KCNIP4: variants seen among roughly 807,000 people sequenced by gnomAD.
The protein encoded by KCNIP4 is Kv channel-interacting protein 4.
A neutral mutation model predicts 34.0 loss-of-function variants in KCNIP4; 12 were observed. The ratio of observed to expected loss-of-function variants is 0.35; its 90% confidence interval spans 0.23 to 0.57. The LOEUF is 0.57. Among genes scored for constraint, KCNIP4 ranks in the 20% least tolerant of loss-of-function variants. The pLI is 0.83. For missense variants in KCNIP4, 238 were observed against 311.7 expected, an observed-to-expected ratio of 0.76 and a Z score of 1.78; for synonymous variants, 124 against 102.2, an observed-to-expected ratio of 1.21 and a Z score of -1.29.
At chr4:21,548,414 A>G (rs1738307647) in intron 1 of KCNIP4, among the ~76,000 whole-genome samples, 1 of 152,126 alleles carries the variant, frequency 6.6e-6, no homozygotes, top group African/African-American at 2.4e-5. Flanking sequence ...GAACACTTCC[A>G]ATGCACTACT....
At chr4:20,759,095 T>C (rs997523437) in intron 3 of KCNIP4, among the ~76,000 whole-genome samples, 1 of 152,180 alleles carries the variant, frequency 6.6e-6, no homozygotes, top group African/African-American at 2.4e-5. Context: ...GATGTAAATA[T>C]CTTTGCATAT....
intron 1 of KCNIP4, among the ~76,000 whole-genome samples, chr4:21,177,670 A>G (rs1333416913): frequency 6.7e-6 from 1 of 149,818 alleles, no homozygotes; most frequent in African/African-American, 2.5e-5. Context: ...TCTCTACTAA[A>G]AAACAAACAA....
At chr4:21,610,111 G>A (rs1744030694) in intron 1 of KCNIP4, among the ~76,000 whole-genome samples, 1 of 152,212 alleles carries the variant, frequency 6.6e-6, no homozygotes, top group African/African-American at 2.4e-5. Context: ...ACTTTTCAGT[G>A]GCAGGTTATA....
chr4:21,250,158 C>T (rs140683694), intron 1 of KCNIP4, among the ~76,000 whole-genome samples: 1,717 of 146,588 alleles, frequency 0.012, 37 homozygotes, highest in African/African-American at 0.035. Context: ...CTCTGCAAAA[C>T]CACAGGTGGA....
chr4:20,768,879 C>T (rs1394792672), intron 3 of KCNIP4, among the ~76,000 whole-genome samples: 1 of 152,046 alleles, frequency 6.6e-6, no homozygotes, highest in Non-Finnish European at 1.5e-5. Context: ...TAGATACTAT[C>T]CTTGGAAAAG....
intron 1 of KCNIP4, among the ~76,000 whole-genome samples, chr4:20,918,616 G>C (rs908352700): frequency 6.6e-6 from 1 of 152,136 alleles, no homozygotes; most frequent in Non-Finnish European, 1.5e-5. Flanking sequence ...CTAGGAACTG[G>C]AATTCGGCAG....
At chr4:21,870,005 G>A (rs993323105) in intron 1 of KCNIP4, among the ~76,000 whole-genome samples, 1 of 152,110 alleles carries the variant, frequency 6.6e-6, no homozygotes, top group Non-Finnish European at 1.5e-5. Context: ...AAATCTGGCT[G>A]GATCACATCC....
chr4:21,155,283 A>G (rs774653868), intron 1 of KCNIP4, among the ~76,000 whole-genome samples: 3 of 152,198 alleles, frequency 2.0e-5, no homozygotes, highest in Non-Finnish European at 4.4e-5. Flanking sequence ...AGATAAATGA[A>G]TCCTAACTGA....
chr4:21,606,250 G>A (rs1399802241), intron 1 of KCNIP4, among the ~76,000 whole-genome samples: 1 of 152,122 alleles, frequency 6.6e-6, no homozygotes, highest in East Asian at 1.9e-4. Flanking sequence ...GTGGTGGCTG[G>A]TAGGATAATA....
intron 3 of KCNIP4, among the ~76,000 whole-genome samples, chr4:20,821,050 C>T (rs1717044952): frequency 6.6e-6 from 1 of 152,148 alleles, no homozygotes; most frequent in East Asian, 1.9e-4. Flanking sequence ...GGCCACCTCA[C>T]AGAGCCTCTA....
At chr4:21,868,405 A>T (rs1725559986) in intron 1 of KCNIP4, among the ~76,000 whole-genome samples, 1 of 152,182 alleles carries the variant, frequency 6.6e-6, no homozygotes, top group Admixed American at 6.5e-5. Flanking sequence ...TTTAAAAAAG[A>T]GGTTGTATAG....
rs75141702 is a variant in KCNIP4, at chr4:21,173,259, G to T, written c.62-290550C>A. 2.0e-5 allele frequency among the ~76,000 whole-genome samples: 3 copies of T among 152,006 alleles called. No individual in the cohort carries two copies. In the East Asian group the frequency reaches 5.8e-4, roughly 29 times the overall value. ...ACAGGAAAGATATTAAAAAGTGCTA[G>T]GTTTGGGGGAAAAAAAACCACTTTG... On this transcript the variant is annotated intron_variant, in intron 1 of 8. Transcript: ENST00000382152.
intron 1 of KCNIP4, among the ~76,000 whole-genome samples, chr4:21,538,459 G>A (rs1737407310): frequency 6.6e-6 from 1 of 151,776 alleles, no homozygotes; most frequent in Non-Finnish European, 1.5e-5. Context: ...AGAGGAGGAA[G>A]GTAAAAGAGT....
chr4:21,941,065 A>G (rs557505569), intron 1 of KCNIP4, among the ~76,000 whole-genome samples: 30 of 152,290 alleles, frequency 2.0e-4, no homozygotes, highest in African/African-American at 7.0e-4. Context: ...ATCATAATGA[A>G]TATTCATTAA....
chr4:21,194,610 A>C (rs1254438209), intron 1 of KCNIP4, among the ~76,000 whole-genome samples: 2 of 152,184 alleles, frequency 1.3e-5, no homozygotes, highest in Non-Finnish European at 2.9e-5. Context: ...GAGACAGGGT[A>C]ATCGGAATAT....
intron 1 of KCNIP4, among the ~76,000 whole-genome samples, chr4:20,994,234 T>C (rs1018418881): frequency 2.0e-5 from 3 of 152,184 alleles, no homozygotes; most frequent in African/African-American, 4.8e-5. Flanking sequence ...CTGCCTACTA[T>C]ATAGATGTAA....
intron 1 of KCNIP4, among the ~76,000 whole-genome samples, chr4:21,536,196 A>C (rs770714941): frequency 5.3e-5 from 8 of 152,114 alleles, no homozygotes; most frequent in Non-Finnish European, 8.8e-5. Context: ...ACAGAGCATA[A>C]ATGTCAACAT....
At chr4:21,473,965 C>T (rs1454945340) in intron 1 of KCNIP4, among the ~76,000 whole-genome samples, 2 of 152,102 alleles carry the variant, frequency 1.3e-5, no homozygotes. Flanking sequence ...TCACCCGCCT[C>T]AGCCTCCCAA....
At chr4:20,885,076 A>G (rs936912498) in intron 1 of KCNIP4, among the ~76,000 whole-genome samples, 1 of 152,100 alleles carries the variant, frequency 6.6e-6, no homozygotes, top group Non-Finnish European at 1.5e-5. Flanking sequence ...CAACTTGCCT[A>G]AAAGAAGAAA....
Sources: gnomAD v4.1 joint callset for allele counts (sites outside exome capture counted in the v4.1 genomes callset) on GRCh38, gnomAD v4.1.1 for gene constraint, MANE v1.5 for transcripts, NCBI Gene and HGNC (gene_info 2026-07-23, HGNC 2026-07-21) for gene names.